AP3B1: variants seen among roughly 807,000 people sequenced by gnomAD.
AP3B1 encodes the protein adaptor related protein complex 3 subunit beta 1.
AP3B1 carries 61 observed loss-of-function variants against 132.5 expected under a neutral mutation model. The ratio of observed to expected loss-of-function variants is 0.46; its 90% CI spans 0.37 to 0.57. AP3B1 has a LOEUF of 0.57. Ranked by LOEUF, AP3B1 falls within the 20% of genes least tolerant of loss-of-function variation. The pLI, the probability that AP3B1 is intolerant of heterozygous loss-of-function variation, is 0.00. For synonymous variants in AP3B1, 388 were observed against 438.3 expected (o/e 0.89, Z 1.43); for missense variants, 1,120 against 1,289.4 (o/e 0.87, Z 2.01).
intron 7 of AP3B1, among the ~76,000 whole-genome samples, chr5:78,207,244 C>T (rs919542511): frequency 1.4e-4 from 18 of 127,702 alleles, no homozygotes; most frequent in Non-Finnish European, 2.6e-4. Context: ...GGTGACAGAA[C>T]GAGACTCAGT....
chr5:78,103,012 A>C (rs977123092), intron 20 of AP3B1, among the ~76,000 whole-genome samples: 1 of 152,174 alleles, frequency 6.6e-6, no homozygotes, highest in African/African-American at 2.4e-5. Context: ...AACAGCAAAT[A>C]ACCAGTGACT....
intron 1 of AP3B1, among the ~76,000 whole-genome samples, chr5:78,275,852 A>C (rs1748751718): frequency 6.6e-6 from 1 of 152,206 alleles, no homozygotes; most frequent in South Asian, 2.1e-4. Context: ...AAAAAATTCG[A>C]ACAACATAAT....
chr5:78,001,351 C>T (rs1746198488), downstream of AP3B1: 1 of 152,186 alleles, frequency 6.6e-6, no homozygotes. Flanking sequence ...CCTGCGATTA[C>T]AAAGGGGCTT....
At chr5:78,217,403 T>A (rs1012664600) in intron 6 of AP3B1, among the ~76,000 whole-genome samples, 3 of 152,154 alleles carry the variant, frequency 2.0e-5, no homozygotes, top group Non-Finnish European at 4.4e-5. Flanking sequence ...ATTTATTGAC[T>A]CCAGCCCTAA....
chr5:78,220,026 C>A (rs1343453463), intron 6 of AP3B1, among the ~76,000 whole-genome samples: 1 of 151,830 alleles, frequency 6.6e-6, no homozygotes, highest in African/African-American at 2.4e-5. Context: ...GATTTTTGAT[C>A]CTCTATTGAT....
chr5:78,263,729 T>G (rs1426455962), intron 2 of AP3B1, among the ~76,000 whole-genome samples: 1 of 152,246 alleles, frequency 6.6e-6, no homozygotes, highest in Non-Finnish European at 1.5e-5. Context: ...TGTCAAATCT[T>G]TCTCCGAATA....
intron 1 of AP3B1, among the ~76,000 whole-genome samples, chr5:78,269,901 A>G (rs1203445388): frequency 6.6e-6 from 1 of 151,548 alleles, no homozygotes; most frequent in Non-Finnish European, 1.5e-5. Context: ...CTTTAATTTT[A>G]TTATGTTTTT....
chr5:78,288,969 G>A, intron 1 of AP3B1, among the ~76,000 whole-genome samples: 1 of 148,896 alleles, frequency 6.7e-6, no homozygotes. Flanking sequence ...CCAAAAATAT[G>A]GTACAGACAC....
chr5:78,232,362 T>C (rs142914771), intron 3 of AP3B1, among the ~76,000 whole-genome samples: 60 of 152,302 alleles, frequency 3.9e-4, no homozygotes, highest in Middle Eastern at 3.4e-3. Context: ...AGCCTCTTGC[T>C]TGTGAAAGTT....
intron 17 of AP3B1, among the ~76,000 whole-genome samples, chr5:78,119,524 C>G (rs187579432): frequency 2.0e-5 from 3 of 152,172 alleles, no homozygotes; most frequent in Admixed American, 2.0e-4. Context: ...AGCCAAGGCT[C>G]GAGAACTATG....
In AP3B1 at chr5:78,163,082, CCAAGTGATGAT is replaced by C. The variant is rs1654078276; in HGVS notation, c.1231-142_1231-132del. 3 of 831,726 alleles carry C rather than the reference CCAAGTGATGAT, an allele frequency of 3.6e-6. No homozygotes were observed. The Admixed American group carries it at 6.2e-5, about 17-fold the overall frequency. 51.5% of individuals were successfully genotyped at this position (831,726 alleles called of 1,614,324 possible). On this transcript the variant is annotated intron_variant, in intron 12 of 26. Coordinates refer to ENST00000255194, the MANE Select transcript of AP3B1 (RefSeq NM_003664.5). ...ACTTCTCATAAGCACAATATGAGGA[CCAAGTGATGAT>C]GTAGATTAATTTCATTTTGTTTTGA...
intron 21 of AP3B1, among the ~76,000 whole-genome samples, chr5:78,092,463 A>C (rs964312017): frequency 5.9e-5 from 9 of 152,204 alleles, no homozygotes; most frequent in Non-Finnish European, 1.0e-4. Context: ...TAATGTGTAA[A>C]AACAAAGTGA....
intron 17 of AP3B1, among the ~76,000 whole-genome samples, chr5:78,122,386 A>G (rs1339015370): frequency 2.6e-5 from 4 of 152,248 alleles, no homozygotes; most frequent in Non-Finnish European, 5.9e-5. Context: ...GCATTCAATT[A>G]GGAAAAGATG....
At chr5:78,166,719 C>T (rs1039485223) in intron 11 of AP3B1, among the ~76,000 whole-genome samples, 3 of 152,072 alleles carry the variant, frequency 2.0e-5, no homozygotes, top group Non-Finnish European at 4.4e-5. Context: ...TGATCTTTGA[C>T]AAGGCAAACA....
At chr5:78,275,767 C>A (rs948412114) in intron 1 of AP3B1, among the ~76,000 whole-genome samples, 1 of 152,094 alleles carries the variant, frequency 6.6e-6, no homozygotes, top group East Asian at 1.9e-4. Context: ...CCACTGCCCC[C>A]GGCCATGATT....
chr5:78,015,247 T>A (rs1746807389), intron 26 of AP3B1, among the ~76,000 whole-genome samples, 163 bp downstream of exon 26: 3 of 152,130 alleles, frequency 2.0e-5, no homozygotes, highest in Middle Eastern at 3.2e-3. Context: ...ACAGCCTTAA[T>A]GCAAAGCAAT....
At chr5:78,092,179 C>T (rs1228157481) in intron 21 of AP3B1, among the ~76,000 whole-genome samples, 7 of 152,096 alleles carry the variant, frequency 4.6e-5, no homozygotes, top group Admixed American at 2.0e-4. Flanking sequence ...GCCCATGTAA[C>T]GAATAAAAAA....
chr5:78,050,860 G>A (rs1256559137), intron 22 of AP3B1, among the ~76,000 whole-genome samples: 1 of 152,102 alleles, frequency 6.6e-6, no homozygotes, highest in Non-Finnish European at 1.5e-5. Flanking sequence ...GGCTCGTGAG[G>A]AAGTAATTAG....
intron 2 of AP3B1, among the ~76,000 whole-genome samples, chr5:78,260,137 A>C (rs1353968104): frequency 6.6e-6 from 1 of 152,176 alleles, no homozygotes; most frequent in African/African-American, 2.4e-5. Flanking sequence ...AAAAGAAAAC[A>C]TTGCAACCCA....
Sources: allele counts gnomAD v4.1 joint callset (sites outside exome capture counted in the v4.1 genomes callset), GRCh38; gene constraint gnomAD v4.1.1; transcripts MANE v1.5; gene names NCBI Gene and HGNC (gene_info 2026-07-23, HGNC 2026-07-21).